The following CHERP variants were observed in gnomAD, a reference collection of about 807,000 sequenced individuals.
CHERP encodes the protein ERPROT 213-21.
In CHERP, 8 loss-of-function variants were observed where a neutral mutation model predicts 113.8. The ratio of observed to expected loss-of-function variants is 0.07; its 90% CI spans 0.04 to 0.13. CHERP has a LOEUF of 0.13. Ranked by LOEUF, CHERP falls within the 10% of genes least tolerant of loss-of-function variation. The pLI, the probability that CHERP is intolerant of heterozygous loss-of-function variation, is 1.00. For synonymous variants in CHERP, 559 were observed against 524.5 expected (o/e 1.07, Z -0.90); for missense variants, 884 against 1,298.2 (o/e 0.68, Z 4.90).
chr19:16,540,439 C>T (rs547235820), intron 2 of CHERP, among the ~76,000 whole-genome samples: 2 of 147,990 alleles, frequency 1.4e-5, no homozygotes, highest in African/African-American at 5.0e-5. Context: ...ATGGTGTGGT[C>T]TCGGCTCAAT....
chr19:16,519,920 T>G lies in CHERP; in HGVS notation c.2463-205A>C, dbSNP rs2085592888. On this transcript the variant is annotated intron_variant, in intron 15 of 16. Transcript: ENST00000546361. This position sits in a 1 kb window ranked among gnomAD's most constrained non-coding sequence, Gnocchi z 6.0. ...GCTGGCCCCCACCCCACGCTCAGCA[T>G]TGAGAGCAGGACACCTCCAACCCAG... is the stretch of plus-strand genomic sequence containing the variant. 3.0e-6 allele frequency: 2 copies of G among 662,628 alleles called. No individual in the cohort carries two copies. The highest frequency in any genetic ancestry group is 3.6e-5 in the South Asian group (2 of 55,726). The allele number at this position is 662,628 out of a possible 1,614,324, so 41.0% of individuals were successfully genotyped here.
rs904071170 is a variant in CHERP at position 16,542,390 on chromosome 19, C to T, written c.-12G>A. The T allele has an allele frequency of 1.5e-6, 2 of 1,359,266 alleles. No homozygotes were observed. The highest frequency in any genetic ancestry group is 2.8e-5 in the East Asian group (1 of 35,620). The allele number at this position is 1,359,266 out of a possible 1,614,324, so 84.2% of individuals were successfully genotyped here. A position where few individuals can be genotyped will look rare whatever the true frequency, so the allele number is the denominator to read the frequency against. On this transcript the variant is annotated 5_prime_UTR_variant, in exon 1 of 17. Transcript: ENST00000546361. ...AGCGGCATCTCCATGGCTCCGGCCG[C>T]GGGGAACGTCCTCCGGCGCCACACG...
chr19:16,528,285 G>A lies in CHERP; in HGVS notation c.1130-30C>T, dbSNP rs1267082555. On this transcript the variant is annotated intron_variant, in intron 8 of 16. Transcript: ENST00000546361. ...ATCCAAGTGACAGGCAGTTAGAGCA[G>A]GCCTGGCAGCAGGAGGCGCTGTCTC... 3.3e-6 allele frequency: 5 copies of A among 1,537,426 alleles called. No individual in the cohort carries two copies. The African/African-American group carries it at 6.9e-5, about 21-fold the overall frequency.
chr19:16,524,411 C>G (rs2085642254), intron 10 of CHERP, among the ~76,000 whole-genome samples: 1 of 151,934 alleles, frequency 6.6e-6, no homozygotes, highest in African/African-American at 2.4e-5. Context: ...AAAAAATTAG[C>G]CAGGCATGGT....
chr19:16,525,349 T>C lies in CHERP; in HGVS notation c.1634A>G (p.Asn545Ser). ...FNQPPHPHNF[N>S]RFPPRFMQDD... ...CTGCATGAAGCGGGGCGGGAAGCGGTTGAAGTTGTGGGGGTGCGGAGGCTG... is the reference window on the plus strand; with the variant it reads ...CTGCATGAAGCGGGGCGGGAAGCGGCTGAAGTTGTGGGGGTGCGGAGGCTG... Residue 545 changes from asparagine to serine, a missense_variant, in exon 10 of 17, where the codon AAC becomes AGC. Transcript: ENST00000546361. This position sits in a 1 kb window ranked among gnomAD's most constrained non-coding sequence, Gnocchi z 6.5. 5.4e-6 allele frequency: 8 copies of C among 1,478,692 alleles called. No homozygotes were observed. Among genetic ancestry groups the C allele is most frequent in the Non-Finnish European group, 7.2e-6 (8 of 1,113,812 alleles). 91.6% of individuals were successfully genotyped at this position (1,478,692 alleles called of 1,614,324 possible). A position where few individuals can be genotyped will look rare whatever the true frequency, so the allele number is the denominator to read the frequency against.
Position 16,525,757 on chromosome 19 carries a change from A to G in CHERP, c.1306-80T>C. 2.3e-6 allele frequency: 3 copies of G among 1,311,250 alleles called. No individual in the cohort carries two copies. The highest frequency in any genetic ancestry group is 2.7e-5 in the East Asian group (1 of 37,174). The allele number at this position is 1,311,250 out of a possible 1,614,324, so 81.2% of individuals were successfully genotyped here. A position where few individuals can be genotyped will look rare whatever the true frequency, so the allele number is the denominator to read the frequency against. The stretch of plus-strand genomic sequence containing the variant: ...CAGCATCACAGCGCTCGGCAGCATC[A>G]CAGCGCTGGCTCAGACCATGGAGGC... On this transcript the variant is annotated intron_variant, in intron 9 of 16. Coordinates refer to ENST00000546361, the MANE Select transcript of CHERP (RefSeq NM_006387.6). The surrounding 1 kb of genome is among the most constrained non-coding windows in gnomAD (Gnocchi z 6.5).
intron 12 of CHERP, 124 bp downstream of exon 12, chr19:16,521,397 G>A (rs942990056): frequency 5.0e-5 from 41 of 814,624 alleles, no homozygotes; most frequent in African/African-American, 4.2e-4. Flanking sequence ...TCACTCAGGC[G>A]GGGGGAGGGC....
chr19:16,531,055 G>A (rs970868946), intron 5 of CHERP, 175 bp from the exon 6 acceptor site: 4 of 1,122,716 alleles, frequency 3.6e-6, no homozygotes, highest in Non-Finnish European at 4.9e-6. Context: ...TGGGCTCGAG[G>A]AAGGGACAGA....
chr19:16,523,088 G>A lies in CHERP; in HGVS notation c.1944C>T (p.Phe648=), dbSNP rs373087540. The A allele has an allele frequency of 5.5e-5, 84 of 1,528,858 alleles. 1 individual carries two copies. In the South Asian group the frequency reaches 7.7e-4, roughly 14 times the overall value. 94.7% of individuals were successfully genotyped at this position (1,528,858 alleles called of 1,614,324 possible). A position where few individuals can be genotyped will look rare whatever the true frequency, so the allele number is the denominator to read the frequency against. The stretch of plus-strand genomic sequence containing the variant: ...GGGCCATCAGCCCAGCAGGGAGATC[G>A]AAGTAGGGCACATTGGGGACCAGGC... ...DPSLVPNVPY[F]DLPAGLMAPL... is the part of the protein sequence containing the mutation. The change falls in exon 11 of 17, where the codon TTC becomes TTT. Residue 648 remains phenylalanine, a synonymous_variant. Coordinates refer to ENST00000546361, the MANE Select transcript of CHERP (RefSeq NM_006387.6). The surrounding 1 kb of genome is among the most constrained non-coding windows in gnomAD (Gnocchi z 4.0).
intron 10 of CHERP, among the ~76,000 whole-genome samples, chr19:16,524,769 G>GT (rs925806394): frequency 1.3e-3 from 186 of 141,998 alleles, no homozygotes; most frequent in Middle Eastern, 3.6e-3. Flanking sequence ...GTAGTTTTTT[G>GT]TTTTTTTTTT....
At position 16,519,411 on chromosome 19, in the gene CHERP, G is replaced by C; in HGVS notation, c.2558-59C>G. The C allele has an allele frequency of 3.9e-6, 6 of 1,535,322 alleles. No individual in the cohort carries two copies. The highest frequency in any genetic ancestry group is 1.2e-5 in the South Asian group (1 of 85,730). ...GGCGGAGGCAGATGGGGGTGCACGT[G>C]GGGGGCTGAATGTCCAGACAGGCAG... On this transcript the variant is annotated intron_variant, in intron 16 of 16. Transcript: ENST00000546361. The surrounding 1 kb of genome is among the most constrained non-coding windows in gnomAD (Gnocchi z 6.0).
At position 16,519,674 on chromosome 19, in the gene CHERP, G is replaced by C. The variant is rs1568503207; in HGVS notation, c.2504C>G (p.Pro835Arg). ...GLGSNSAPPI[P>R]DSRLGEENKG... ...GTTCTCTTCTCCGAGCCTTGAGTCA[G>C]GGATGGGAGGCGCCGAATTAGAACC... Residue 835 changes from proline to arginine, a missense_variant, in exon 16 of 17, where the codon CCT (proline) becomes CGT (arginine). Pro to Arg is a moderately radical substitution (Grantham distance 103). Around this residue, in one of 8 missense-constraint regions of CHERP, gnomAD observed 159 missense variants for 185.8 expected, o/e 0.86. Coordinates refer to ENST00000546361, the MANE Select transcript of CHERP (RefSeq NM_006387.6). The surrounding 1 kb of genome is among the most constrained non-coding windows in gnomAD (Gnocchi z 6.0). 1 of 1,613,896 alleles carries C rather than the reference G, an allele frequency of 6.2e-7. No individual in the cohort carries two copies. Among genetic ancestry groups the C allele is most frequent in the Admixed American group, 1.7e-5 (1 of 60,000 alleles).
In CHERP at chr19:16,520,545, ATGGGCTGCACCCAGCCCACCC is replaced by A; in HGVS notation, c.2202-59_2202-39del. On this transcript the variant is annotated intron_variant, in intron 13 of 16. Coordinates refer to ENST00000546361, the MANE Select transcript of CHERP (RefSeq NM_006387.6). The surrounding 1 kb of genome is among the most constrained non-coding windows in gnomAD (Gnocchi z 4.0). ...GCCTGATGATCAGGTGCCCCAGTGG[ATGGGCTGCACCCAGCCCACCC>A]TGGCCCTCAGGTTCCTAGACCACCC... 6.3e-7 allele frequency: 1 copy of A among 1,593,748 alleles called. No homozygotes were observed. The highest frequency in any genetic ancestry group is 8.6e-7 in the Non-Finnish European group (1 of 1,169,164).
In CHERP at chr19:16,520,541, G is replaced by A; in HGVS notation, c.2202-34C>T. 3.1e-6 allele frequency: 5 copies of A among 1,596,838 alleles called. No individual in the cohort carries two copies. Among genetic ancestry groups the A allele is most frequent in the Non-Finnish European group, 1.7e-6 (2 of 1,170,930 alleles). On this transcript the variant is annotated intron_variant, in intron 13 of 16. Coordinates refer to ENST00000546361, the MANE Select transcript of CHERP (RefSeq NM_006387.6). The surrounding 1 kb of genome is among the most constrained non-coding windows in gnomAD (Gnocchi z 4.0). ...AGAGGCCTGATGATCAGGTGCCCCAGTGGATGGGCTGCACCCAGCCCACCC... is the reference window on the plus strand; with the variant it reads ...AGAGGCCTGATGATCAGGTGCCCCAATGGATGGGCTGCACCCAGCCCACCC...
intron 3 of CHERP, among the ~76,000 whole-genome samples, chr19:16,534,057 C>CT (rs1242148515): frequency 0.014 from 1,077 of 77,358 alleles, 9 homozygotes; most frequent in Middle Eastern, 0.034. Context: ...CTTTTCTTTT[C>CT]TTTTTTTTTT....
chr19:16,520,749 G>A lies in CHERP; in HGVS notation c.2201+77C>T. 3 of 1,400,070 alleles carry A rather than the reference G, an allele frequency of 2.1e-6. No homozygotes were observed. The highest frequency in any genetic ancestry group is 3.0e-6 in the Non-Finnish European group (3 of 990,962). The allele number at this position is 1,400,070 out of a possible 1,614,324, so 86.7% of individuals were successfully genotyped here. A position where few individuals can be genotyped will look rare whatever the true frequency, so the allele number is the denominator to read the frequency against. On this transcript the variant is annotated intron_variant, in intron 13 of 16. Transcript: ENST00000546361. This position sits in a 1 kb window ranked among gnomAD's most constrained non-coding sequence, Gnocchi z 4.0. ...CTGTGTGAGGGTGGACGTGATGAGT[G>A]TATCTGGGGTCTGCTCCCACCCATC...
At position 16,529,694 on chromosome 19, in the gene CHERP, GGGTGGAGCAGGC is replaced by G; in HGVS notation, c.1071_1082del (p.Pro361_Pro364del). On this transcript the variant is annotated inframe_deletion, in exon 8 of 17. Coordinates refer to ENST00000546361, the MANE Select transcript of CHERP (RefSeq NM_006387.6). ...TGGCAGGGGCAGGTGCTGGGGCCGG[GGGTGGAGCAGGC>G]GGTGGAGGCGTGGCCTTGACTTCAG... 6.3e-7 allele frequency: 1 copy of G among 1,578,848 alleles called. No homozygotes were observed. Among genetic ancestry groups the G allele is most frequent in the Non-Finnish European group, 8.6e-7 (1 of 1,167,292 alleles).
chr19:16,530,110 C>G lies in CHERP; in HGVS notation c.877-210G>C, dbSNP rs146188389. Among the ~76,000 whole-genome samples, 1 of 152,196 alleles carries G rather than the reference C, an allele frequency of 6.6e-6. No individual in the cohort carries two copies. Among genetic ancestry groups the G allele is most frequent in the Non-Finnish European group, 1.5e-5 (1 of 68,040 alleles). The stretch of plus-strand genomic sequence containing the variant: ...TTGGGGATGAGGATGTTCGCTGCAG[C>G]GTGTTTTACGACTCCCTGATAACAG... On this transcript the variant is annotated intron_variant, in intron 7 of 16. Coordinates refer to ENST00000546361, the MANE Select transcript of CHERP (RefSeq NM_006387.6). This position sits in a 1 kb window ranked among gnomAD's most constrained non-coding sequence, Gnocchi z 4.1.
chr19:16,537,660 C>A (rs900195615), intron 2 of CHERP, among the ~76,000 whole-genome samples: 1 of 152,156 alleles, frequency 6.6e-6, no homozygotes, highest in Non-Finnish European at 1.5e-5. Context: ...GCCTCCGAGA[C>A]ATCACTCCAA....
Sources: gnomAD v4.1 joint callset for allele counts (sites outside exome capture counted in the v4.1 genomes callset) on GRCh38, gnomAD v4.1.1 for gene constraint, gnomAD v4.1.1 regional missense constraint, Gnocchi (gnomAD v3.1) non-coding constraint, MANE v1.5 for transcripts, NCBI Gene and HGNC (gene_info 2026-07-23, HGNC 2026-07-21) for gene names.